Variants in CPA6 observed in about 807,000 individuals in gnomAD.
The protein encoded by CPA6 is carboxypeptidase B.
Under a neutral mutation model 63.3 loss-of-function variants are expected in CPA6, and 58 were observed. The observed-to-expected ratio is 0.92, with a 90% CI of 0.74 to 1.14. CPA6 has a LOEUF of 1.14. Among genes scored for constraint, CPA6 ranks in the 50% most tolerant of loss-of-function variants. The pLI is 0.00. For synonymous variants in CPA6, 185 were observed against 179.0 expected, an observed-to-expected ratio of 1.03 and a Z score of -0.27; for missense variants, 565 against 526.6, an observed-to-expected ratio of 1.07 and a Z score of -0.71.
chr8:67,684,001 G>GTATATATATATATATATATA (rs3056573), intron 1 of CPA6, among the ~76,000 whole-genome samples: 1 of 116,982 alleles, frequency 8.5e-6, no homozygotes. Flanking sequence ...ATTTTAAAAT[G>GTATATATATATATATATATA]TATATATATA....
intron 8 of CPA6, chr8:67,483,339 G>A (rs1378451646): frequency 2.1e-5 from 4 of 187,600 alleles, no homozygotes; most frequent in Admixed American, 5.5e-5. Flanking sequence ...CGTATGACCA[G>A]CAGAGTGGTA....
At chr8:67,611,887 A>T (rs1814815946) in intron 2 of CPA6, among the ~76,000 whole-genome samples, 1 of 152,208 alleles carries the variant, frequency 6.6e-6, no homozygotes. Flanking sequence ...CCCTTCTGAT[A>T]GAGGGGAAGA....
At chr8:67,492,599 G>C (rs968476082) in intron 6 of CPA6, among the ~76,000 whole-genome samples, 21 of 152,162 alleles carry the variant, frequency 1.4e-4, no homozygotes, top group Admixed American at 1.1e-3. Flanking sequence ...AACAAAGTAA[G>C]AGAGTTTTTA....
rs1181696431 is a variant in CPA6, at chr8:67,738,760, G to A, written c.116+7254C>T. Among the ~76,000 whole-genome samples, 6 of 48,608 alleles carry A rather than the reference G, an allele frequency of 1.2e-4. No homozygotes were observed. In the South Asian group the frequency reaches 1.3e-3, roughly 11 times the overall value. 31.9% of individuals were successfully genotyped at this position (48,608 alleles called of 152,430 possible). On this transcript the variant is annotated intron_variant, in intron 1 of 10. Coordinates refer to ENST00000297770, the MANE Select transcript of CPA6 (RefSeq NM_020361.5). ...ACAAGATCCTAAAGCTTTGTATTAC[G>A]CATTAAAGCACTGTACCATAAAGAA...
chr8:67,707,745 T>TA (rs1418873121), intron 1 of CPA6, among the ~76,000 whole-genome samples: 3 of 151,662 alleles, frequency 2.0e-5, no homozygotes, highest in Non-Finnish European at 4.4e-5. Flanking sequence ...CATCTCTACT[T>TA]AAAAATACAA....
At chr8:67,523,114 G>T (rs1812293650) in intron 2 of CPA6, among the ~76,000 whole-genome samples, 1 of 152,220 alleles carries the variant, frequency 6.6e-6, no homozygotes, top group Non-Finnish European at 1.5e-5. Flanking sequence ...CTGTTTTACT[G>T]CAGGCAATCT....
intron 8 of CPA6, among the ~76,000 whole-genome samples, chr8:67,450,594 T>G (rs1219355708): frequency 6.6e-6 from 1 of 152,250 alleles, no homozygotes; most frequent in Non-Finnish European, 1.5e-5. Flanking sequence ...AAAGGGTAAC[T>G]ATTTTGTACT....
chr8:67,706,000 A>G (rs979924067), intron 1 of CPA6, among the ~76,000 whole-genome samples: 6 of 152,200 alleles, frequency 3.9e-5, no homozygotes, highest in Admixed American at 2.6e-4. Flanking sequence ...AGGATCTTTT[A>G]TGGTAAATTT....
intron 1 of CPA6, among the ~76,000 whole-genome samples, chr8:67,704,388 T>A (rs563284068): frequency 6.6e-6 from 1 of 152,296 alleles, no homozygotes; most frequent in African/African-American, 2.4e-5. Context: ...TTAAAAAGCA[T>A]GGGAAATGGA....
At chr8:67,693,889 C>G (rs1360021898) in intron 1 of CPA6, among the ~76,000 whole-genome samples, 1 of 152,222 alleles carries the variant, frequency 6.6e-6, no homozygotes, top group African/African-American at 2.4e-5. Context: ...GGGAAATAAA[C>G]TCAACTAAAA....
In CPA6 at chr8:67,439,826, A is replaced by G. The variant is rs1023116929; in HGVS notation, c.839-5586T>C. Among the ~76,000 whole-genome samples the G allele has an allele frequency of 3.9e-5, 6 of 152,258 alleles. No individual in the cohort carries two copies. In the South Asian group the frequency reaches 1.2e-3, roughly 32 times the overall value. ...TTTTTAATAGAGATGAGGTCTTGCTATGTTGCCCAGGCTGGTGTTGAATTC... is the reference window on the plus strand; with the variant it reads ...TTTTTAATAGAGATGAGGTCTTGCTGTGTTGCCCAGGCTGGTGTTGAATTC... On this transcript the variant is annotated intron_variant, in intron 8 of 10. Transcript: ENST00000297770.
intron 1 of CPA6, among the ~76,000 whole-genome samples, chr8:67,657,670 T>G (rs1220578890): frequency 1.3e-5 from 2 of 152,196 alleles, no homozygotes; most frequent in Non-Finnish European, 2.9e-5. Flanking sequence ...TAGAAGGTTC[T>G]AAACTACTTT....
intron 2 of CPA6, among the ~76,000 whole-genome samples, chr8:67,525,488 A>G (rs1179125610): frequency 6.6e-6 from 1 of 152,218 alleles, no homozygotes; most frequent in Non-Finnish European, 1.5e-5. Flanking sequence ...TACTAGTTAT[A>G]AGTCAAGCAT....
At chr8:67,671,590 A>G (rs959908126) in intron 1 of CPA6, among the ~76,000 whole-genome samples, 6 of 152,196 alleles carry the variant, frequency 3.9e-5, no homozygotes, top group African/African-American at 1.4e-4. Context: ...TACTTGACTA[A>G]AGGGCTTGCT....
intron 1 of CPA6, among the ~76,000 whole-genome samples, chr8:67,721,662 A>G (rs1172362122): frequency 1.3e-5 from 2 of 152,208 alleles, no homozygotes; most frequent in Non-Finnish European, 2.9e-5. Context: ...ACGTTACTTT[A>G]ACAAAAAACC....
At chr8:67,454,137 C>T (rs1810618438) in intron 8 of CPA6, among the ~76,000 whole-genome samples, 1 of 152,208 alleles carries the variant, frequency 6.6e-6, no homozygotes, top group Non-Finnish European at 1.5e-5. Context: ...CCAACCCTGT[C>T]TTTACAAAAT....
At chr8:67,724,520 G>T (rs918596085) in intron 1 of CPA6, among the ~76,000 whole-genome samples, 2 of 152,300 alleles carry the variant, frequency 1.3e-5, no homozygotes, top group Admixed American at 1.3e-4. Flanking sequence ...ACAACGGAAG[G>T]ACACATTTAC....
intron 2 of CPA6, among the ~76,000 whole-genome samples, chr8:67,548,557 A>AT (rs1812873294): frequency 6.6e-6 from 1 of 151,976 alleles, no homozygotes; most frequent in African/African-American, 2.4e-5. Flanking sequence ...GTAGAATATT[A>AT]TTTTTTCTTA....
intron 8 of CPA6, among the ~76,000 whole-genome samples, chr8:67,480,691 A>C (rs1190069949): frequency 1.3e-5 from 2 of 152,158 alleles, no homozygotes; most frequent in African/African-American, 2.4e-5. Context: ...ATATATATAT[A>C]TCTAAGAGTG....
Sources: gnomAD v4.1 joint callset for allele counts (sites outside exome capture counted in the v4.1 genomes callset) on GRCh38, gnomAD v4.1.1 for gene constraint, MANE v1.5 for transcripts, NCBI Gene and HGNC (gene_info 2026-07-23, HGNC 2026-07-21) for gene names.